The following AFG2A variants were observed in gnomAD, a reference collection of about 807,000 sequenced individuals.
AFG2A encodes the protein ATPase family gene 2 protein homolog A.
chr4:123,182,363 T>C, the AFG2A span, among the ~76,000 whole-genome samples: 1 of 152,198 alleles, frequency 6.6e-6, no homozygotes, highest in East Asian at 1.9e-4. Flanking sequence ...GTCAGTAGCT[T>C]TTCCAACTAG....
At chr4:123,219,862 G>A in the AFG2A span, among the ~76,000 whole-genome samples, 10 of 151,392 alleles carry the variant, frequency 6.6e-5, no homozygotes, top group Admixed American at 4.6e-4. Context: ...ACTGTAATGA[G>A]TTGAAAAAAA....
chr4:123,299,113 GCC>G, the AFG2A span, among the ~76,000 whole-genome samples: 109 of 119,182 alleles, frequency 9.1e-4, no homozygotes, highest in Non-Finnish European at 1.6e-3. Context: ...ATATGCATCT[GCC>G]AATGTGTGTG....
the AFG2A span, among the ~76,000 whole-genome samples, chr4:123,015,850 G>T: frequency 1.2e-4 from 4 of 33,238 alleles, no homozygotes; most frequent in Admixed American, 3.6e-4. Flanking sequence ...GCGGCTGGCC[G>T]GGCGGGGGGC....
the AFG2A span, among the ~76,000 whole-genome samples, chr4:123,130,287 G>A: frequency 6.6e-6 from 1 of 152,216 alleles, no homozygotes; most frequent in African/African-American, 2.4e-5. Context: ...AAAGTACTGA[G>A]ATGACAGGCG....
chr4:123,060,383 G>GCACA, the AFG2A span, among the ~76,000 whole-genome samples: 1 of 152,238 alleles, frequency 6.6e-6, no homozygotes, highest in Non-Finnish European at 1.5e-5. Flanking sequence ...TGCCCCTGCA[G>GCACA]CACACCTCTG....
chr4:122,935,347 T>C, the AFG2A span, among the ~76,000 whole-genome samples: 2 of 152,188 alleles, frequency 1.3e-5, no homozygotes, highest in African/African-American at 4.8e-5. Context: ...GTATGTACTC[T>C]TCAAGATGGT....
chr4:123,283,406 G>A, the AFG2A span, among the ~76,000 whole-genome samples: 1,902 of 151,776 alleles, frequency 0.013, 45 homozygotes, highest in African/African-American at 0.044. Flanking sequence ...ATAGGGTTAG[G>A]GAGAATCTGC....
At chr4:123,238,580 G>A in the AFG2A span, among the ~76,000 whole-genome samples, 2 of 152,204 alleles carry the variant, frequency 1.3e-5, no homozygotes. Flanking sequence ...CAACAGACCT[G>A]TTGCTTAGGG....
the AFG2A span, among the ~76,000 whole-genome samples, chr4:123,050,608 T>C: frequency 6.6e-6 from 1 of 152,160 alleles, no homozygotes; most frequent in Non-Finnish European, 1.5e-5. Context: ...TTTTATCTGA[T>C]ATAAATATAG....
chr4:123,040,709 G>T, the AFG2A span, among the ~76,000 whole-genome samples: 2 of 151,996 alleles, frequency 1.3e-5, no homozygotes, highest in Non-Finnish European at 2.9e-5. Context: ...AGAACATTTT[G>T]CCTCAGCATA....
At chr4:123,050,301 G>A in the AFG2A span, among the ~76,000 whole-genome samples, 8 of 152,248 alleles carry the variant, frequency 5.3e-5, no homozygotes, top group Admixed American at 1.3e-4. Context: ...GAAATGTTCC[G>A]TAAATGTCTG....
chr4:122,982,864 CTTTTTTT>C, the AFG2A span, among the ~76,000 whole-genome samples: 1 of 93,766 alleles, frequency 1.1e-5, no homozygotes, highest in South Asian at 3.7e-4. Flanking sequence ...TAATCTTCTT[CTTTTTTT>C]TTTTTTTTTT....
chr4:123,033,763 T>C, the AFG2A span, among the ~76,000 whole-genome samples: 3 of 152,168 alleles, frequency 2.0e-5, no homozygotes, highest in Non-Finnish European at 4.4e-5. Context: ...CTTAGCACTT[T>C]TTAGTTTTGC....
At chr4:123,013,490 A>G in the AFG2A span, among the ~76,000 whole-genome samples, 21 of 152,200 alleles carry the variant, frequency 1.4e-4, no homozygotes, top group African/African-American at 4.6e-4. Context: ...GCAAACTAAC[A>G]CAGGAACAGA....
the AFG2A span, among the ~76,000 whole-genome samples, chr4:123,001,229 A>G: frequency 4.0e-5 from 6 of 151,720 alleles, no homozygotes; most frequent in Middle Eastern, 3.2e-3. Flanking sequence ...CGGTGTATCA[A>G]TTTTGTTCAT....
the AFG2A span, among the ~76,000 whole-genome samples, chr4:123,257,073 T>TTCATTCGTCTTATGTAAACACCGAAGAG: frequency 1.3e-5 from 2 of 152,344 alleles, no homozygotes; most frequent in South Asian, 4.1e-4. Flanking sequence ...TGCTATTGTT[T>TTCATTCGTCTTATGTAAACACCGAAGAG]TCATTCGTCT....
chr4:123,228,714 A>G, the AFG2A span, among the ~76,000 whole-genome samples: 2 of 152,048 alleles, frequency 1.3e-5, no homozygotes, highest in Non-Finnish European at 2.9e-5. Context: ...AAGAGAAGCC[A>G]AGGGACTTGG....
chr4:122,934,857 T>A, the AFG2A span: 5 of 1,277,978 alleles, frequency 3.9e-6, no homozygotes, highest in South Asian at 8.3e-5. Context: ...GTAGTAGGTA[T>A]GGTAGAAGAT....
the AFG2A span, among the ~76,000 whole-genome samples, chr4:123,186,585 T>A: frequency 1.3e-5 from 2 of 152,200 alleles, no homozygotes; most frequent in African/African-American, 4.8e-5. Context: ...AAAAGGTACA[T>A]CGTTTTAAAT....
Sources: allele counts gnomAD v4.1 joint callset (sites outside exome capture counted in the v4.1 genomes callset), GRCh38; gene constraint gnomAD v4.1.1; transcripts MANE v1.5; gene names NCBI Gene and HGNC (gene_info 2026-07-23, HGNC 2026-07-21).